Variants in RBFOX1 observed in about 807,000 individuals in gnomAD.
RBFOX1 encodes RNA binding protein fox-1 homolog 1.
RBFOX1 carries 8 observed loss-of-function variants against 57.7 expected under a neutral mutation model. That is an observed-to-expected ratio of 0.14 (90% CI 0.08 to 0.25). The LOEUF (loss-of-function observed/expected upper bound fraction) is 0.25, where lower values mean the gene tolerates loss of function less well. RBFOX1 is among the 10% of genes least tolerant of loss of function. RBFOX1 has a pLI of 1.00. For synonymous variants in RBFOX1, 326 were observed against 222.4 expected (o/e 1.47, Z -4.15); for missense variants, 611 against 548.5 (o/e 1.11, Z -1.14).
chr16:6,379,560 G>A (rs896945319), intron 2 of RBFOX1, among the ~76,000 whole-genome samples: 1 of 152,010 alleles, frequency 6.6e-6, no homozygotes, highest in Non-Finnish European at 1.5e-5. Flanking sequence ...GAAAAACCGG[G>A]GTAGTGTTGG....
At chr16:5,620,590 G>A (rs9932995) in intron 3 of RBFOX1, among the ~76,000 whole-genome samples, 13,230 of 152,090 alleles carry the variant, frequency 0.087, 1,882 homozygotes, top group African/African-American at 0.3. Context: ...GTCTTCTTAC[G>A]GCTTTCTCTT....
Position 7,185,161 on chromosome 16 carries a change from G to A in RBFOX1, c.27+133063G>A, listed in dbSNP as rs187495387. Among the ~76,000 whole-genome samples, 488 of 152,004 alleles carry A rather than the reference G, an allele frequency of 3.2e-3. 1 individual carries two copies. The highest frequency in any genetic ancestry group is 6.8e-3 in the Middle Eastern group (2 of 294). ...GGGAGCACTTTGCAAAGTGTCAACC[G>A]CAGAATAAGTGCTTGATAAATTTCA... On this transcript the variant is annotated intron_variant, in intron 4 of 15. Coordinates refer to ENST00000550418, the MANE Select transcript of RBFOX1 (RefSeq NM_018723.4).
chr16:6,588,601 G>T (rs775064109), intron 2 of RBFOX1, among the ~76,000 whole-genome samples: 2 of 152,094 alleles, frequency 1.3e-5, no homozygotes, highest in Non-Finnish European at 2.9e-5. Flanking sequence ...GCAGTGAGCC[G>T]AGATCATGCC....
chr16:7,330,689 A>G (rs761802852), intron 4 of RBFOX1, among the ~76,000 whole-genome samples: 2 of 152,074 alleles, frequency 1.3e-5, no homozygotes, highest in Non-Finnish European at 2.9e-5. Flanking sequence ...CTAAGAGTCT[A>G]AAGCTGTAAA....
At chr16:7,612,192 G>A (rs1023796691) in intron 10 of RBFOX1, among the ~76,000 whole-genome samples, 11 of 151,570 alleles carry the variant, frequency 7.3e-5, no homozygotes, top group Admixed American at 4.6e-4. Flanking sequence ...GTGGTGGTGG[G>A]CGCCTGTAGT....
chr16:6,699,452 A>C (rs1286194188), intron 3 of RBFOX1, among the ~76,000 whole-genome samples: 7 of 152,200 alleles, frequency 4.6e-5, no homozygotes, highest in Admixed American at 4.6e-4. Context: ...CCTGCATTTA[A>C]AAGCCAAGCC....
chr16:6,701,941 C>CT (rs2061917798), intron 3 of RBFOX1, among the ~76,000 whole-genome samples: 1 of 152,038 alleles, frequency 6.6e-6, no homozygotes, highest in African/African-American at 2.4e-5. Flanking sequence ...CCGGGGCCTG[C>CT]TTGAGGATGG....
chr16:7,638,346 C>T (rs551718059), intron 11 of RBFOX1, among the ~76,000 whole-genome samples: 19 of 152,208 alleles, frequency 1.2e-4, no homozygotes, highest in South Asian at 4.2e-4. Flanking sequence ...GAAGCTTGTC[C>T]GAGATCACCC....
rs115830139 is a variant in RBFOX1, at chr16:6,878,918, G to A, written c.-15-173139G>A. 2.8e-3 allele frequency among the ~76,000 whole-genome samples: 428 copies of A among 152,254 alleles called. 2 individuals carry two copies. Among genetic ancestry groups the A allele is most frequent in the African/African-American group, 9.5e-3 (394 of 41,542 alleles). On this transcript the variant is annotated intron_variant, in intron 3 of 15. Coordinates refer to ENST00000550418, the MANE Select transcript of RBFOX1 (RefSeq NM_018723.4). ...TACCATCTTCAAGTTAAAGAAAAGG[G>A]TAGGATTTTTTTTCCCCTATGTTAG...
At chr16:5,417,441 T>A (rs1436621775) in intron 1 of RBFOX1, among the ~76,000 whole-genome samples, 2 of 152,132 alleles carry the variant, frequency 1.3e-5, no homozygotes. Flanking sequence ...GCAGATGAGT[T>A]AAGATTTTTG....
At chr16:5,480,114 C>T (rs570599124) in intron 2 of RBFOX1, among the ~76,000 whole-genome samples, 15 of 152,262 alleles carry the variant, frequency 9.9e-5, no homozygotes, top group East Asian at 1.9e-4. Flanking sequence ...AGGTCTCCTC[C>T]GCAGAGAGGG....
At chr16:6,749,313 G>C (rs555367255) in intron 3 of RBFOX1, among the ~76,000 whole-genome samples, 14 of 152,302 alleles carry the variant, frequency 9.2e-5, no homozygotes, top group African/African-American at 3.4e-4. Flanking sequence ...TGAGAGAACA[G>C]ATGCACACAG....
At chr16:7,589,196 C>A (rs2094303332) in intron 7 of RBFOX1, among the ~76,000 whole-genome samples, 1 of 152,176 alleles carries the variant, frequency 6.6e-6, no homozygotes, top group Non-Finnish European at 1.5e-5. Context: ...TTCGTTCTGA[C>A]CCTAGGTCTG....
chr16:5,491,849 A>G (rs2042841517), intron 2 of RBFOX1, among the ~76,000 whole-genome samples: 1 of 152,238 alleles, frequency 6.6e-6, no homozygotes, highest in Non-Finnish European at 1.5e-5. Context: ...GCTTTAAAGA[A>G]CAAAACAACA....
rs1381041125 is a variant in RBFOX1 at position 5,736,822 on chromosome 16, T to A, written c.319-130481T>A. On this transcript the variant is annotated intron_variant, in intron 3 of 19. Transcript: ENST00000641259. ...TTGTCTTTGTCTCTTTTTCATTCTTTTTTCCCTCTTTTCTCTTTGTCCCTC... is the reference window on the plus strand; with the variant it reads ...TTGTCTTTGTCTCTTTTTCATTCTTATTTCCCTCTTTTCTCTTTGTCCCTC... Among the ~76,000 whole-genome samples the A allele has an allele frequency of 3.3e-5, 5 of 151,768 alleles. No individual in the cohort carries two copies. In the East Asian group the frequency reaches 7.8e-4, roughly 24 times the overall value.
intron 1 of RBFOX1, among the ~76,000 whole-genome samples, chr16:6,226,203 CAA>C (rs543386716): frequency 0.027 from 2,651 of 99,962 alleles, 39 homozygotes; most frequent in Middle Eastern, 0.048. Flanking sequence ...ACTAAAAATA[CAA>C]AAAAAAAAAA....
intron 2 of RBFOX1, among the ~76,000 whole-genome samples, chr16:6,645,837 T>C (rs949468708): frequency 6.6e-6 from 1 of 152,122 alleles, no homozygotes; most frequent in African/African-American, 2.4e-5. Flanking sequence ...CCATGATTGT[T>C]AATATGCTTC....
intron 4 of RBFOX1, among the ~76,000 whole-genome samples, chr16:7,388,148 C>T (rs1250541320): frequency 6.6e-6 from 1 of 151,704 alleles, no homozygotes; most frequent in Non-Finnish European, 1.5e-5. Context: ...TCGAAAATAG[C>T]AGGAAACTGA....
intron 1 of RBFOX1, among the ~76,000 whole-genome samples, chr16:6,283,683 C>G (rs2076620481): frequency 6.6e-6 from 1 of 152,176 alleles, no homozygotes; most frequent in Non-Finnish European, 1.5e-5. Context: ...GACGGAGTTT[C>G]ACGTTGGCAC....
Sources: allele counts gnomAD v4.1 joint callset (sites outside exome capture counted in the v4.1 genomes callset), GRCh38; gene constraint gnomAD v4.1.1; transcripts MANE v1.5; gene names NCBI Gene and HGNC (gene_info 2026-07-23, HGNC 2026-07-21).